ELAPOR1: variants seen among roughly 807,000 people sequenced by gnomAD.
The protein encoded by ELAPOR1 is endosome/lysosome-associated apoptosis and autophagy regulator 1.
ELAPOR1 carries 77 observed loss-of-function variants against 119.7 expected under a neutral mutation model. The observed-to-expected ratio is 0.64, with a 90% CI of 0.54 to 0.78. The LOEUF is 0.78. ELAPOR1 is among the 30% of genes least tolerant of loss of function. The pLI is 0.00. For missense variants in ELAPOR1, 1,115 were observed against 1,270.4 expected (o/e 0.88, Z 1.86); for synonymous variants, 481 against 487.2 (o/e 0.99, Z 0.17).
Position 109,194,411 on chromosome 1 carries a change from TC to T in ELAPOR1, c.1948-5del, listed in dbSNP as rs753571010. 6.2e-7 allele frequency: 1 copy of T among 1,611,770 alleles called. No individual in the cohort carries two copies. Among genetic ancestry groups the T allele is most frequent in the Non-Finnish European group, 8.5e-7 (1 of 1,178,562 alleles). ...GACCAGCTGGCCCGACCCGTCCCTC[TC>T]CCCCTCAGATCCACTCTCTGTGCTA... On this transcript the variant is annotated splice_polypyrimidine_tract_variant and intron_variant, in intron 14 of 21. Transcript: ENST00000369939.
chr1:109,187,106 G>C (rs1490040484), intron 8 of ELAPOR1: 3 of 985,354 alleles, frequency 3.0e-6, no homozygotes, highest in Non-Finnish European at 3.6e-6. Context: ...TAAAATCAAG[G>C]GACACACCTC....
intron 1 of ELAPOR1, 24 bp downstream of exon 1, chr1:109,114,360 C>T: frequency 6.5e-7 from 1 of 1,546,994 alleles, no homozygotes; most frequent in East Asian, 2.4e-5. Context: ...CCTACCCGAT[C>T]CCGCTTTGGT....
rs367972717 is a variant in ELAPOR1, at chr1:109,130,417, C to T, written c.153+16081C>T. Reference sequence around the variant, plus strand: ...AGTCACGGAGGGCTTCAAAGAAGTACTAAAATTTAGATAAGAACTAAAAAT... The same window carrying T: ...AGTCACGGAGGGCTTCAAAGAAGTATTAAAATTTAGATAAGAACTAAAAAT... On this transcript the variant is annotated intron_variant, in intron 1 of 21. Transcript: ENST00000369939. 1.3e-5 allele frequency among the ~76,000 whole-genome samples: 2 copies of T among 151,874 alleles called. 1 individual carries two copies. Among genetic ancestry groups the T allele is most frequent in the South Asian group, 4.2e-4 (2 of 4,816 alleles).
chr1:109,193,937 G>A (rs1269122079), intron 14 of ELAPOR1, among the ~76,000 whole-genome samples: 16 of 152,184 alleles, frequency 1.1e-4, no homozygotes, highest in Admixed American at 7.2e-4. Flanking sequence ...GGGAAGAAAA[G>A]CCCCTTTCGG....
intron 7 of ELAPOR1, among the ~76,000 whole-genome samples, chr1:109,179,682 G>A (rs58619539): frequency 0.015 from 2,319 of 152,046 alleles, 59 homozygotes; most frequent in African/African-American, 0.053. Context: ...GAGGCAGGTG[G>A]ATCACCTGAG....
chr1:109,172,858 G>T (rs1207150045), intron 5 of ELAPOR1, among the ~76,000 whole-genome samples: 1 of 152,170 alleles, frequency 6.6e-6, no homozygotes, highest in Non-Finnish European at 1.5e-5. Context: ...ACTTTGGGAG[G>T]TCGAGGCAGG....
At chr1:109,192,896 T>C (rs927446464) in intron 14 of ELAPOR1, 22 bp downstream of exon 14, 2 of 1,608,654 alleles carry the variant, frequency 1.2e-6, no homozygotes, top group Non-Finnish European at 1.7e-6. Flanking sequence ...CTGGCATGCA[T>C]CCTAAACCTG....
At chr1:109,180,539 A>G (rs1439707832) in intron 7 of ELAPOR1, among the ~76,000 whole-genome samples, 1 of 152,004 alleles carries the variant, frequency 6.6e-6, no homozygotes, top group East Asian at 1.9e-4. Context: ...CAATAATTAT[A>G]TCTGCCTCAT....
chr1:109,200,384 A>C, intron 20 of ELAPOR1, 147 bp downstream of exon 20: 1 of 933,216 alleles, frequency 1.1e-6, no homozygotes, highest in East Asian at 2.5e-5. Context: ...GGTTATCCTG[A>C]CTCCTGAACA....
chr1:109,117,339 G>A (rs574189490), intron 1 of ELAPOR1, among the ~76,000 whole-genome samples: 81 of 152,338 alleles, frequency 5.3e-4, no homozygotes, highest in African/African-American at 1.9e-3. Flanking sequence ...CTGACTGCGA[G>A]CCAAAGGAGC....
chr1:109,177,850 T>A (rs962544978), intron 7 of ELAPOR1, among the ~76,000 whole-genome samples: 7 of 152,118 alleles, frequency 4.6e-5, no homozygotes, highest in African/African-American at 1.7e-4. Context: ...AAACTTCTCA[T>A]AGAAGTGTTT....
intron 15 of ELAPOR1, among the ~76,000 whole-genome samples, chr1:109,196,452 C>T (rs1440190535): frequency 1.3e-5 from 2 of 152,276 alleles, no homozygotes; most frequent in Non-Finnish European, 2.9e-5. Flanking sequence ...GCAAAAGTGT[C>T]ATTCAGTGAA....
At chr1:109,188,988 G>C (rs1653246072) in intron 9 of ELAPOR1, 78 bp from the exon 10 acceptor site, 2 of 1,562,606 alleles carry the variant, frequency 1.3e-6, no homozygotes, top group Non-Finnish European at 1.7e-6. Context: ...GTTGCAACTT[G>C]TCTGTGTGGC....
chr1:109,179,171 C>T (rs1174879467), intron 7 of ELAPOR1, among the ~76,000 whole-genome samples: 1 of 151,306 alleles, frequency 6.6e-6, no homozygotes, highest in East Asian at 2.0e-4. Flanking sequence ...GAGGCCAGGG[C>T]AGGTGGATTG....
chr1:109,166,040 C>T (rs910333801), intron 3 of ELAPOR1, among the ~76,000 whole-genome samples: 2 of 151,936 alleles, frequency 1.3e-5, no homozygotes, highest in African/African-American at 2.4e-5. Context: ...CTCAGCCTCC[C>T]GAGTAGCTGG....
intron 1 of ELAPOR1, among the ~76,000 whole-genome samples, chr1:109,116,738 T>G (rs1013742279): frequency 6.9e-6 from 1 of 145,130 alleles, no homozygotes; most frequent in African/African-American, 2.6e-5. Context: ...CAGGCCAGGC[T>G]GGAGTGCAGT....
intron 21 of ELAPOR1, among the ~76,000 whole-genome samples, chr1:109,201,575 T>C (rs1209953642): frequency 6.6e-6 from 1 of 151,972 alleles, no homozygotes. Context: ...TTCATCCCAA[T>C]AGGAGTGGGT....
intron 1 of ELAPOR1, among the ~76,000 whole-genome samples, chr1:109,159,680 A>G (rs506742): frequency 0.99 from 150,940 of 152,268 alleles, 74,824 homozygotes; most frequent in Non-Finnish European, 1. Flanking sequence ...TATCGGCTGC[A>G]TGACTTTGGA....
In ELAPOR1 at chr1:109,198,680, C is replaced by G. The variant is rs1238357162; in HGVS notation, c.2501+6C>G. 1 of 1,610,704 alleles carries G rather than the reference C, an allele frequency of 6.2e-7. No homozygotes were observed. The highest frequency in any genetic ancestry group is 8.5e-7 in the Non-Finnish European group (1 of 1,178,290). On this transcript the variant is annotated splice_donor_region_variant and intron_variant, in intron 18 of 21. Transcript: ENST00000369939. The stretch of plus-strand genomic sequence containing the variant: ...GGAAGTTTGCTGCTGCCAGGGTAAG[C>G]CCTGCAAAGGGATGTAACAAAGGCC...
Sources: gnomAD v4.1 joint callset for allele counts (sites outside exome capture counted in the v4.1 genomes callset) on GRCh38, gnomAD v4.1.1 for gene constraint, MANE v1.5 for transcripts, NCBI Gene and HGNC (gene_info 2026-07-23, HGNC 2026-07-21) for gene names.